CATSPERT: variants seen among roughly 807,000 people sequenced by gnomAD.
The protein encoded by CATSPERT is catsper channel auxiliary subunit tau, also known as cation channel sperm-associated targeting subunit tau.
At chr2:201,542,452 T>A in the CATSPERT span, among the ~76,000 whole-genome samples, 1 of 152,196 alleles carries the variant, frequency 6.6e-6, no homozygotes, top group Non-Finnish European at 1.5e-5. Flanking sequence ...ACCATGCTGT[T>A]TTCAAAAGCA....
At chr2:201,505,084 A>G in the CATSPERT span, among the ~76,000 whole-genome samples, 1 of 152,086 alleles carries the variant, frequency 6.6e-6, no homozygotes, top group African/African-American at 2.4e-5. Flanking sequence ...GGGCTCCCCA[A>G]ATGGTTCACT....
the CATSPERT span, among the ~76,000 whole-genome samples, chr2:201,517,307 T>G: frequency 6.6e-6 from 1 of 152,138 alleles, no homozygotes; most frequent in Non-Finnish European, 1.5e-5. Context: ...AAGACCGTTA[T>G]TAGCCATTTC....
At chr2:201,556,276 G>A in the CATSPERT span, among the ~76,000 whole-genome samples, 60,090 of 151,656 alleles carry the variant, frequency 0.4, 12,655 homozygotes, top group Middle Eastern at 0.48. Flanking sequence ...TTGAGAGGCC[G>A]AAGAGGGCGG....
At chr2:201,506,710 T>C in the CATSPERT span, among the ~76,000 whole-genome samples, 6 of 152,038 alleles carry the variant, frequency 3.9e-5, no homozygotes, top group Non-Finnish European at 5.9e-5. Context: ...CCTGCCACCA[T>C]GCCTGGCTAA....
chr2:201,534,442 C>T, the CATSPERT span: 2 of 984,880 alleles, frequency 2.0e-6, no homozygotes, highest in African/African-American at 3.5e-5. Flanking sequence ...GAATGTAATA[C>T]ATACATTAAA....
At chr2:201,492,810 T>A in the CATSPERT span, 3 of 1,536,466 alleles carry the variant, frequency 2.0e-6, no homozygotes, top group South Asian at 2.4e-5. Context: ...TTTGATAGAT[T>A]TTTGGTAAGT....
the CATSPERT span, among the ~76,000 whole-genome samples, chr2:201,524,403 AT>A: frequency 6.6e-6 from 1 of 152,152 alleles, no homozygotes; most frequent in Non-Finnish European, 1.5e-5. Flanking sequence ...AAATAAGATC[AT>A]TTTCAGACAA....
chr2:201,605,083 CAA>C, the CATSPERT span, among the ~76,000 whole-genome samples: 9,594 of 137,342 alleles, frequency 0.07, 379 homozygotes, highest in Middle Eastern at 0.12. Flanking sequence ...CACACATACA[CAA>C]ACATATATAT....
chr2:201,559,508 C>A, the CATSPERT span, among the ~76,000 whole-genome samples: 25 of 152,178 alleles, frequency 1.6e-4, no homozygotes, highest in African/African-American at 6.0e-4. Flanking sequence ...ATGAAACAGC[C>A]CCACAAGTTG....
the CATSPERT span, among the ~76,000 whole-genome samples, chr2:201,592,877 T>C: frequency 6.6e-6 from 1 of 152,168 alleles, no homozygotes; most frequent in African/African-American, 2.4e-5. Flanking sequence ...TCTCTTTTTT[T>C]CTTTATTAGT....
the CATSPERT span, among the ~76,000 whole-genome samples, chr2:201,605,059 T>C: frequency 4.5e-3 from 681 of 149,854 alleles, 3 homozygotes; most frequent in Non-Finnish European, 6.3e-3. Flanking sequence ...TATATATACA[T>C]ACACACACAC....
At chr2:201,574,668 G>T in the CATSPERT span, among the ~76,000 whole-genome samples, 1 of 151,974 alleles carries the variant, frequency 6.6e-6, no homozygotes, top group Non-Finnish European at 1.5e-5. Context: ...CCCAGTTTCA[G>T]ATAAAATTTT....
the CATSPERT span, chr2:201,511,858 A>G: frequency 6.7e-6 from 1 of 150,122 alleles, no homozygotes; most frequent in Non-Finnish European, 1.5e-5. Flanking sequence ...AAAAAAAAAA[A>G]AAAAAAAAAA....
the CATSPERT span, among the ~76,000 whole-genome samples, chr2:201,612,558 C>T: frequency 9.2e-4 from 116 of 126,002 alleles, no homozygotes; most frequent in African/African-American, 3.1e-3. Flanking sequence ...TGGGGGAGGG[C>T]GACAGAATGA....
the CATSPERT span, among the ~76,000 whole-genome samples, chr2:201,509,831 G>T: frequency 6.6e-6 from 1 of 150,546 alleles, no homozygotes; most frequent in Non-Finnish European, 1.5e-5. Flanking sequence ...TATAAACCAG[G>T]CACTCTCCCA....
the CATSPERT span, among the ~76,000 whole-genome samples, chr2:201,539,511 G>GTTTTTT: frequency 4.5e-5 from 4 of 89,744 alleles, no homozygotes; most frequent in Non-Finnish European, 8.5e-5. Context: ...TTTTAACGAG[G>GTTTTTT]TTTTTTTTTT....
the CATSPERT span, chr2:201,572,033 T>G: frequency 6.3e-7 from 1 of 1,597,192 alleles, no homozygotes; most frequent in Non-Finnish European, 8.6e-7. Flanking sequence ...GAAAAAAATG[T>G]AAGTGTATTT....
the CATSPERT span, among the ~76,000 whole-genome samples, chr2:201,508,813 TTC>T: frequency 9.1e-4 from 116 of 128,054 alleles, no homozygotes; most frequent in African/African-American, 3.4e-3. Context: ...GTGACGAGAT[TTC>T]TTTTTTTTTT....
the CATSPERT span, among the ~76,000 whole-genome samples, chr2:201,542,741 G>A: frequency 6.6e-6 from 1 of 151,960 alleles, no homozygotes; most frequent in Non-Finnish European, 1.5e-5. Flanking sequence ...TTCCTTATAT[G>A]TTTTGGAATA....
Sources: gnomAD v4.1 joint callset for allele counts (sites outside exome capture counted in the v4.1 genomes callset) on GRCh38, gnomAD v4.1.1 for gene constraint, MANE v1.5 for transcripts, NCBI Gene and HGNC (gene_info 2026-07-23, HGNC 2026-07-21) for gene names.